COX15: variants seen among roughly 807,000 people sequenced by gnomAD.
COX15 encodes cytochrome c oxidase assembly factor COX15.
In COX15, 51 loss-of-function variants were observed where a neutral mutation model predicts 51.9. That is an observed-to-expected ratio of 0.98 (90% CI 0.78 to 1.24). The LOEUF is 1.24. Ranked by LOEUF, COX15 falls within the 50% of genes most tolerant of loss-of-function variation. The probability of loss-of-function intolerance (pLI) is 0.00; values close to 1 mark genes in which losing one functional copy is unlikely to be tolerated. For synonymous variants in COX15, 188 were observed against 190.5 expected, an observed-to-expected ratio of 0.99 and a Z score of 0.11; for missense variants, 420 against 501.1, an observed-to-expected ratio of 0.84 and a Z score of 1.55.
chr10:99,726,952 C>T lies in COX15; in HGVS notation c.582+16G>A, dbSNP rs757335809. ...CTGGGAGCATTTCTGGTTTCTCAAC[C>T]TTGAATAAATCTTACCTGGAAGCAG... On this transcript the variant is annotated intron_variant, in intron 4 of 8. Coordinates refer to ENST00000016171, the MANE Select transcript of COX15 (RefSeq NM_078470.6). 5.6e-6 allele frequency: 9 copies of T among 1,610,548 alleles called. No individual in the cohort carries two copies. The highest frequency in any genetic ancestry group is 6.8e-6 in the Non-Finnish European group (8 of 1,178,178).
intron 8 of COX15, 58 bp downstream of exon 8, chr10:99,716,290 G>T: frequency 8.1e-7 from 1 of 1,234,534 alleles, no homozygotes; most frequent in Non-Finnish European, 1.2e-6. Context: ...ACTGTGCCCG[G>T]CCCCTTTTTT....
At chr10:99,708,756 T>C (rs1349565574), downstream of COX15, 4 of 860,136 alleles carry the variant, frequency 4.7e-6, no homozygotes, top group Admixed American at 1.9e-4. Context: ...CCTTGATTTA[T>C]ATGGGTGATA....
chr10:99,704,613 C>G, the COX15 span: 1 of 1,614,190 alleles, frequency 6.2e-7, no homozygotes, highest in South Asian at 1.1e-5. Context: ...CAAACACGAG[C>G]CTCAGCTCCA....
Position 99,713,215 on chromosome 10 carries a change from A to G in COX15, c.*1372T>C, listed in dbSNP as rs2036453043. 1.4e-6 allele frequency: 2 copies of G among 1,395,250 alleles called. No individual in the cohort carries two copies. Among genetic ancestry groups the G allele is most frequent in the Non-Finnish European group, 1.9e-6 (2 of 1,059,846 alleles). 86.4% of individuals were successfully genotyped at this position (1,395,250 alleles called of 1,614,324 possible). On this transcript the variant is annotated 3_prime_UTR_variant, in exon 9 of 9. Coordinates refer to ENST00000016171, the MANE Select transcript of COX15 (RefSeq NM_078470.6). ...TTGGTTCATATTGAACCTGAGGACAACTAAAATCCCGTCTTTTTTATATGA... is the reference window on the plus strand; with the variant it reads ...TTGGTTCATATTGAACCTGAGGACAGCTAAAATCCCGTCTTTTTTATATGA...
chr10:99,719,051 A>G (rs2036672964), intron 6 of COX15, among the ~76,000 whole-genome samples: 1 of 152,136 alleles, frequency 6.6e-6, no homozygotes, highest in Non-Finnish European at 1.5e-5. Context: ...GTCTTCCCCA[A>G]ATGCTCAATA....
At position 99,711,558 on chromosome 10, in the gene COX15, T is replaced by C. The variant is rs1026032338; in HGVS notation, c.*3029A>G. 3.0e-6 allele frequency: 3 copies of C among 985,326 alleles called. No homozygotes were observed. The highest frequency in any genetic ancestry group is 3.6e-6 in the Non-Finnish European group (3 of 829,942). The allele number at this position is 985,326 out of a possible 1,614,324, so 61.0% of individuals were successfully genotyped here. On this transcript the variant is annotated 3_prime_UTR_variant, in exon 9 of 9. Transcript: ENST00000016171. The stretch of plus-strand genomic sequence containing the variant: ...GAACTTTCTAAGGTAACTAGGCTAT[T>C]AGGACCTAAGCCAGTGGTCCCTAGA...
the COX15 span, among the ~76,000 whole-genome samples, chr10:99,700,080 C>A: frequency 6.6e-6 from 1 of 152,148 alleles, no homozygotes; most frequent in African/African-American, 2.4e-5. Context: ...GCCTCCAGGA[C>A]GACCTTCACG....
chr10:99,710,879 A>C lies in COX15; in HGVS notation c.*3708T>G, dbSNP rs576180531. On this transcript the variant is annotated 3_prime_UTR_variant, in exon 9 of 9. Coordinates refer to ENST00000016171, the MANE Select transcript of COX15 (RefSeq NM_078470.6). ...TCTAGGTTGACTGATTAAGAAAGCC[A>C]TGTGTTTTAATTTCCTTCATGTTTT... The C allele has an allele frequency of 8.1e-6, 8 of 985,368 alleles. No individual in the cohort carries two copies. The Admixed American group carries it at 4.3e-4, about 53-fold the overall frequency. The allele number at this position is 985,368 out of a possible 1,614,324, so 61.0% of individuals were successfully genotyped here.
At chr10:99,702,632 G>C in the COX15 span, 4 of 1,613,422 alleles carry the variant, frequency 2.5e-6, no homozygotes, top group African/African-American at 1.3e-5. Context: ...TTCAGTGGAC[G>C]CTGGGAGCCA....
At chr10:99,726,428 G>A (rs2036951160) in intron 4 of COX15, among the ~76,000 whole-genome samples, 1 of 152,050 alleles carries the variant, frequency 6.6e-6, no homozygotes, top group South Asian at 2.1e-4. Context: ...TGTACATGGT[G>A]GCACTGTTAT....
chr10:99,709,674 C>G (rs2036324168), downstream of COX15: 1 of 985,254 alleles, frequency 1.0e-6, no homozygotes, highest in Non-Finnish European at 1.2e-6. Context: ...TTTGGGTGTC[C>G]CATCTACCCT....
At chr10:99,719,525 C>G (rs979506519) in intron 6 of COX15, among the ~76,000 whole-genome samples, 2 of 151,954 alleles carry the variant, frequency 1.3e-5, no homozygotes, top group Non-Finnish European at 2.9e-5. Context: ...GGGTCTTGCT[C>G]TGTCACCCAG....
chr10:99,729,719 G>A lies in COX15; in HGVS notation c.106C>T (p.Arg36Cys), dbSNP rs151116399. The change falls in exon 2 of 9, where the codon CGC (arginine) becomes TGC (cysteine). Residue 36 changes from arginine (R) to cysteine (C), a missense_variant. By Grantham distance (180) the Arg-to-Cys change is radical (BLOSUM62 -3). Coordinates refer to ENST00000016171, the MANE Select transcript of COX15 (RefSeq NM_078470.6). Reference protein sequence around the residue: ...APRAQCDCIRRPLRPGQYSTI... With the variant: ...APRAQCDCIRCPLRPGQYSTI... ...CTGTATTGCCCTGGCCTCAAAGGGC[G>A]CCTGATGCAATCACACTAAAGATCA... The A allele has an allele frequency of 7.8e-5, 126 of 1,613,960 alleles. No homozygotes were observed. The highest frequency in any genetic ancestry group is 1.1e-4 in the East Asian group (5 of 44,894).
chr10:99,722,155 C>T (rs1028084670), intron 5 of COX15, among the ~76,000 whole-genome samples: 3 of 152,152 alleles, frequency 2.0e-5, no homozygotes, highest in Admixed American at 6.6e-5. Flanking sequence ...TGTGAGCCAC[C>T]GTGCCCAGCC....
chr10:99,709,583 C>G, downstream of COX15: 1 of 984,788 alleles, frequency 1.0e-6, no homozygotes, highest in South Asian at 4.7e-5. Flanking sequence ...GTGAATATAC[C>G]TCAAATTGAA....
At chr10:99,724,735 T>TA (rs780039476) in intron 4 of COX15, among the ~76,000 whole-genome samples, 610 of 142,968 alleles carry the variant, frequency 4.3e-3, no homozygotes, top group African/African-American at 8.5e-3. Context: ...TGATGAGCTT[T>TA]AAAAAAAAAA....
In COX15 at chr10:99,729,551, A is replaced by C. The variant is rs777659902; in HGVS notation, c.272+2T>G. 10 of 1,612,320 alleles carry C rather than the reference A, an allele frequency of 6.2e-6. No individual in the cohort carries two copies. The highest frequency in any genetic ancestry group is 1.7e-5 in the Admixed American group (1 of 59,958). ...CTGACTCACTACGAGCAAATTACTT[A>C]CCTAGTTACTCCACCAAGAATAACT... is the stretch of plus-strand genomic sequence containing the variant. On this transcript the variant is annotated splice_donor_variant, in intron 2 of 8. Coordinates refer to ENST00000016171, the MANE Select transcript of COX15 (RefSeq NM_078470.6). LOFTEE classifies it high-confidence loss of function.
chr10:99,725,881 A>G (rs2036934210), intron 4 of COX15, among the ~76,000 whole-genome samples: 1 of 152,196 alleles, frequency 6.6e-6, no homozygotes, highest in South Asian at 2.1e-4. Flanking sequence ...TTTTCTTACC[A>G]CTTCTGAGTT....
chr10:99,730,563 G>A lies in COX15; in HGVS notation c.91-829C>T, dbSNP rs370098466. On this transcript the variant is annotated intron_variant, in intron 1 of 8. Transcript: ENST00000016171. Reference sequence around the variant, plus strand: ...CTCACCACTGCACTCCAGCCTAGGCGATGAAGTGAGACTCCATCTCTCAAA... The same window carrying A: ...CTCACCACTGCACTCCAGCCTAGGCAATGAAGTGAGACTCCATCTCTCAAA... Among the ~76,000 whole-genome samples, 61 of 142,966 alleles carry A rather than the reference G, an allele frequency of 4.3e-4. 1 individual carries two copies. The highest frequency in any genetic ancestry group is 1.3e-3 in the African/African-American group (49 of 37,946). The allele number at this position is 142,966 out of a possible 152,430, so 93.8% of individuals were successfully genotyped here.
Sources: allele counts gnomAD v4.1 joint callset (sites outside exome capture counted in the v4.1 genomes callset), GRCh38; gene constraint gnomAD v4.1.1; transcripts MANE v1.5; gene names NCBI Gene and HGNC (gene_info 2026-07-23, HGNC 2026-07-21).